The following NALF1 variants were observed in gnomAD, a reference collection of about 807,000 sequenced individuals.
NALF1 encodes family with sequence similarity 155 member A.
Under a neutral mutation model 48.4 loss-of-function variants are expected in NALF1, and 3 were observed. That is an observed-to-expected ratio of 0.06 (90% CI 0.03 to 0.16). The LOEUF is 0.16. NALF1 is among the 10% of genes least tolerant of loss of function. The pLI is 1.00. For missense variants in NALF1, 526 were observed against 571.5 expected (o/e 0.92, Z 0.81); for synonymous variants, 262 against 245.7 (o/e 1.07, Z -0.62).
intron 1 of NALF1, among the ~76,000 whole-genome samples, chr13:107,247,765 T>TA (rs1168498231): frequency 6.6e-6 from 1 of 152,150 alleles, no homozygotes; most frequent in African/African-American, 2.4e-5. Flanking sequence ...GCATGGATAT[T>TA]AAAAAATGAC....
chr13:107,830,496 A>T (rs59159494), intron 1 of NALF1, among the ~76,000 whole-genome samples: 22,165 of 152,032 alleles, frequency 0.15, 2,104 homozygotes, highest in East Asian at 0.51. Flanking sequence ...GAAAATGGTA[A>T]CTCACTGTGG....
intron 1 of NALF1, among the ~76,000 whole-genome samples, chr13:107,448,391 C>T (rs1884685244): frequency 1.3e-5 from 2 of 152,008 alleles, no homozygotes; most frequent in South Asian, 4.2e-4. Flanking sequence ...TTTTAAGTCT[C>T]ATGTTATGAA....
chr13:107,773,299 T>C lies in NALF1; in HGVS notation c.915+92383A>G, dbSNP rs200897319. Among the ~76,000 whole-genome samples the C allele has an allele frequency of 2.7e-4, 41 of 152,302 alleles. No homozygotes were observed. In the East Asian group the frequency reaches 7.2e-3, roughly 27 times the overall value. ...GATAGTACTAGCAAATGTGAAACTA[T>C]CTTGATACACATGATAAATCATACT... On this transcript the variant is annotated intron_variant, in intron 1 of 2. Transcript: ENST00000375915.
chr13:107,402,407 C>A (rs1185563349), intron 1 of NALF1, among the ~76,000 whole-genome samples: 1 of 152,174 alleles, frequency 6.6e-6, no homozygotes, highest in Non-Finnish European at 1.5e-5. Flanking sequence ...CACTTGAATG[C>A]TGGCTTGGAG....
Position 107,540,400 on chromosome 13 carries a change from C to G in NALF1, c.915+325282G>C, listed in dbSNP as rs192786828. On this transcript the variant is annotated intron_variant, in intron 1 of 2. Coordinates refer to ENST00000375915, the MANE Select transcript of NALF1 (RefSeq NM_001080396.3). ...GCAGTTTTTTAATATACTTATACTACATAAACAACATTTAAATTTCTAACT... is the reference window on the plus strand; with the variant it reads ...GCAGTTTTTTAATATACTTATACTAGATAAACAACATTTAAATTTCTAACT... 1.5e-3 allele frequency among the ~76,000 whole-genome samples: 221 copies of G among 152,074 alleles called. 1 individual carries two copies. The highest frequency in any genetic ancestry group is 4.7e-3 in the African/African-American group (193 of 41,420).
intron 1 of NALF1, among the ~76,000 whole-genome samples, chr13:107,859,808 A>G (rs817001): frequency 0.81 from 122,323 of 151,228 alleles, 49,686 homozygotes; most frequent in Non-Finnish European, 0.84. Context: ...CCACCTACTC[A>G]GGAGACTGAG....
intron 1 of NALF1, among the ~76,000 whole-genome samples, chr13:107,686,543 G>A (rs1259080915): frequency 6.6e-6 from 1 of 152,086 alleles, no homozygotes; most frequent in African/African-American, 2.4e-5. Context: ...AGAGGCACAT[G>A]CCACCACACC....
At chr13:107,823,609 G>A (rs567824524) in intron 1 of NALF1, among the ~76,000 whole-genome samples, 1 of 87,656 alleles carries the variant, frequency 1.1e-5, no homozygotes, top group African/African-American at 7.4e-5. Flanking sequence ...AGAAGGCCTT[G>A]GTACTCTCCC....
intron 1 of NALF1, among the ~76,000 whole-genome samples, chr13:107,858,874 G>T (rs999884449): frequency 6.6e-6 from 1 of 152,124 alleles, no homozygotes; most frequent in African/African-American, 2.4e-5. Flanking sequence ...ATTAAAGATT[G>T]CTCTAGGGCT....
At chr13:107,380,014 C>T (rs545218204) in intron 1 of NALF1, among the ~76,000 whole-genome samples, 4 of 152,116 alleles carry the variant, frequency 2.6e-5, no homozygotes, top group African/African-American at 7.2e-5. Flanking sequence ...TTATTGAGTT[C>T]GAAGAAAAGA....
At chr13:107,414,175 A>C (rs958871653) in intron 1 of NALF1, among the ~76,000 whole-genome samples, 1 of 151,840 alleles carries the variant, frequency 6.6e-6, no homozygotes, top group African/African-American at 2.4e-5. Flanking sequence ...ATCATTAAAA[A>C]ACTTCTCTTA....
intron 1 of NALF1, among the ~76,000 whole-genome samples, chr13:107,730,123 A>T (rs1876268817): frequency 6.6e-6 from 1 of 152,222 alleles, no homozygotes; most frequent in Non-Finnish European, 1.5e-5. Flanking sequence ...ACCAAGAAAA[A>T]TGAAAGGGCA....
intron 1 of NALF1, among the ~76,000 whole-genome samples, chr13:107,675,152 T>C (rs1881082423): frequency 6.6e-6 from 1 of 152,176 alleles, no homozygotes; most frequent in Non-Finnish European, 1.5e-5. Context: ...TCATGTTAGA[T>C]TTTCACTTCC....
chr13:107,372,806 T>C (rs1883269742), intron 1 of NALF1, among the ~76,000 whole-genome samples: 1 of 152,172 alleles, frequency 6.6e-6, no homozygotes, highest in Admixed American at 6.6e-5. Flanking sequence ...ATATCAAAGG[T>C]CCCAAGAAAC....
At chr13:107,370,136 A>G (rs1455266318) in intron 1 of NALF1, among the ~76,000 whole-genome samples, 1 of 29,958 alleles carries the variant, frequency 3.3e-5, no homozygotes, top group African/African-American at 8.8e-5. Context: ...TGGTTTGAGG[A>G]AAAAAAAATA....
chr13:107,266,416 T>C (rs1395834635), intron 1 of NALF1, among the ~76,000 whole-genome samples: 1 of 152,376 alleles, frequency 6.6e-6, no homozygotes, highest in Non-Finnish European at 1.5e-5. Flanking sequence ...TGGCTACCTG[T>C]ACTGTTGACA....
chr13:107,788,609 T>C (rs1459528912), intron 1 of NALF1: 1 of 152,226 alleles, frequency 6.6e-6, no homozygotes, highest in African/African-American at 2.4e-5. Flanking sequence ...ACACAGCACT[T>C]GGAATCTACC....
chr13:107,374,219 A>G (rs1326905313), intron 1 of NALF1, among the ~76,000 whole-genome samples: 1 of 152,122 alleles, frequency 6.6e-6, no homozygotes, highest in Non-Finnish European at 1.5e-5. Flanking sequence ...CCATCCCACA[A>G]ACACATCATT....
At chr13:107,680,873 GGTGT>G (rs34317926) in intron 1 of NALF1, among the ~76,000 whole-genome samples, 1 of 147,826 alleles carries the variant, frequency 6.8e-6, no homozygotes, top group Non-Finnish European at 1.5e-5. Context: ...CAAATGTAAG[GGTGT>G]GTGTGTGTCC....
Sources: allele counts gnomAD v4.1 joint callset (sites outside exome capture counted in the v4.1 genomes callset), GRCh38; gene constraint gnomAD v4.1.1; transcripts MANE v1.5; gene names NCBI Gene and HGNC (gene_info 2026-07-23, HGNC 2026-07-21).